Variants in DTX4 observed in about 807,000 individuals in gnomAD.
The protein encoded by DTX4 is deltex E3 ubiquitin ligase 4, also known as E3 ubiquitin-protein ligase DTX4.
A neutral mutation model predicts 57.6 loss-of-function variants in DTX4; 28 were observed. The observed-to-expected ratio is 0.49, with a 90% CI of 0.36 to 0.67. The LOEUF (loss-of-function observed/expected upper bound fraction) is 0.67. Among genes scored for constraint, DTX4 ranks in the 30% least tolerant of loss-of-function variants. DTX4 has a pLI of 0.00. For synonymous variants in DTX4, 316 were observed against 331.0 expected (o/e 0.95, Z 0.49); for missense variants, 715 against 836.8 (o/e 0.85, Z 1.80).
intron 8 of DTX4, among the ~76,000 whole-genome samples, chr11:59,203,282 C>G (rs1400260711): frequency 6.6e-6 from 1 of 152,176 alleles, no homozygotes; most frequent in Non-Finnish European, 1.5e-5. Context: ...TTTCACTTTT[C>G]ACCTGTTTGT....
intron 1 of DTX4, among the ~76,000 whole-genome samples, chr11:59,173,993 C>T (rs1862362945): frequency 6.6e-6 from 1 of 152,094 alleles, no homozygotes; most frequent in African/African-American, 2.4e-5. Context: ...GAAGATGACT[C>T]GGAAAGGCCC....
rs1011462348 is a variant in DTX4, at chr11:59,206,162, T to C, written c.*1253T>C. The stretch of plus-strand genomic sequence containing the variant: ...TCAATCTGTTTCCATGCAAATTTGC[T>C]AATCAGAGCCCAGAGCTGCTGGGTC... On this transcript the variant is annotated 3_prime_UTR_variant, in exon 9 of 9. Coordinates refer to ENST00000227451, the MANE Select transcript of DTX4 (RefSeq NM_015177.2). 1 of 152,232 alleles carries C rather than the reference T, an allele frequency of 6.6e-6. No homozygotes were observed. Among genetic ancestry groups the C allele is most frequent in the African/African-American group, 2.4e-5 (1 of 41,436 alleles). The allele number at this position is 152,232 out of a possible 1,614,324, so 9.4% of individuals were successfully genotyped here.
Position 59,207,103 on chromosome 11 carries a change from A to G in DTX4, c.*2194A>G, listed in dbSNP as rs1281147833. On this transcript the variant is annotated 3_prime_UTR_variant, in exon 9 of 9. Transcript: ENST00000227451. Reference sequence around the variant, plus strand: ...TCGCACACTGGTCAAGTATCTGCTGAGCTTCTTGGCCGCAAGGATGCAGAA... The same window carrying G: ...TCGCACACTGGTCAAGTATCTGCTGGGCTTCTTGGCCGCAAGGATGCAGAA... The G allele has an allele frequency of 2.0e-5, 3 of 152,258 alleles. No homozygotes were observed. Among genetic ancestry groups the G allele is most frequent in the Non-Finnish European group, 4.4e-5 (3 of 68,086 alleles). The allele number at this position is 152,258 out of a possible 1,614,324, so 9.4% of individuals were successfully genotyped here.
At chr11:59,196,367 G>A (rs1862669561) in intron 7 of DTX4, among the ~76,000 whole-genome samples, 1 of 152,260 alleles carries the variant, frequency 6.6e-6, no homozygotes, top group Admixed American at 6.5e-5. Context: ...AGGAAGTTGT[G>A]ATAGCCTGTA....
At chr11:59,200,466 A>G (rs1862727670) in intron 8 of DTX4, among the ~76,000 whole-genome samples, 1 of 152,210 alleles carries the variant, frequency 6.6e-6, no homozygotes, top group Admixed American at 6.5e-5. Flanking sequence ...GTGGCACCAC[A>G]TAGGAGCTTG....
Position 59,205,360 on chromosome 11 carries a change from G to T in DTX4, c.*451G>T. 5.4e-6 allele frequency: 1 copy of T among 183,686 alleles called. No individual in the cohort carries two copies. The allele number at this position is 183,686 out of a possible 1,614,324, so 11.4% of individuals were successfully genotyped here. A position where few individuals can be genotyped will look rare whatever the true frequency, so the allele number is the denominator to read the frequency against. ...TTCTGCTATTCTCCCTCTGCTGGAG[G>T]CAGGGAGCTCTCACTGTGCAAGGTT... On this transcript the variant is annotated 3_prime_UTR_variant, in exon 9 of 9. Coordinates refer to ENST00000227451, the MANE Select transcript of DTX4 (RefSeq NM_015177.2).
In DTX4 at chr11:59,199,791, C is replaced by T. The variant is rs1250471511; in HGVS notation, c.1626+18C>T. On this transcript the variant is annotated intron_variant, in intron 8 of 8. Transcript: ENST00000227451. ...GGAGAAAAGTAAGACCGGAAGTTTC[C>T]ACATAGAACTAGGTTTTAGAATAGA... 1 of 1,550,052 alleles carries T rather than the reference C, an allele frequency of 6.5e-7. No homozygotes were observed. The highest frequency in any genetic ancestry group is 1.4e-5 in the African/African-American group (1 of 73,024).
At chr11:59,185,653 G>A (rs1444859568) in intron 2 of DTX4, among the ~76,000 whole-genome samples, 3 of 152,206 alleles carry the variant, frequency 2.0e-5, no homozygotes, top group Non-Finnish European at 2.9e-5. Context: ...ACCAGTAATA[G>A]TGGGGGAGGT....
At chr11:59,189,658 G>C (rs567311941) in intron 4 of DTX4, among the ~76,000 whole-genome samples, 1 of 152,342 alleles carries the variant, frequency 6.6e-6, no homozygotes, top group South Asian at 2.1e-4. Flanking sequence ...TTTGTTTCTT[G>C]CAAGTTGTGT....
intron 1 of DTX4, 42 bp downstream of exon 1, chr11:59,172,848 T>G (rs1862346000): frequency 6.9e-7 from 1 of 1,451,766 alleles, no homozygotes; most frequent in Non-Finnish European, 9.2e-7. Flanking sequence ...TGCTCCCACC[T>G]TCCCAACCTG....
intron 2 of DTX4, 29 bp from the exon 3 acceptor site, chr11:59,188,706 G>A (rs1486893200): frequency 2.5e-6 from 4 of 1,599,460 alleles, no homozygotes; most frequent in South Asian, 1.1e-5. Flanking sequence ...GTGTCAAAAT[G>A]ACATTGTATC....
chr11:59,173,334 C>A (rs1191701039), intron 1 of DTX4, among the ~76,000 whole-genome samples: 1 of 152,196 alleles, frequency 6.6e-6, no homozygotes, highest in African/African-American at 2.4e-5. Context: ...GGTGTGGGAA[C>A]TGGGGGAGGA....
intron 1 of DTX4, among the ~76,000 whole-genome samples, chr11:59,181,417 G>T (rs1165110145): frequency 6.6e-6 from 1 of 152,200 alleles, no homozygotes; most frequent in Non-Finnish European, 1.5e-5. Flanking sequence ...TTCTATATTA[G>T]CTAGTAAATG....
chr11:59,188,829 G>A (rs763634151), intron 3 of DTX4, 33 bp downstream of exon 3: 1 of 1,582,240 alleles, frequency 6.3e-7, no homozygotes, highest in Non-Finnish European at 8.7e-7. Context: ...CTGGGTTAAG[G>A]TAGAGAAATC....
chr11:59,187,696 G>A (rs1316292410), intron 2 of DTX4, among the ~76,000 whole-genome samples: 1 of 152,206 alleles, frequency 6.6e-6, no homozygotes, highest in Non-Finnish European at 1.5e-5. Flanking sequence ...CCAGCTGCAG[G>A]AGTGTGGGTG....
intron 5 of DTX4, among the ~76,000 whole-genome samples, chr11:59,191,528 T>A (rs1412328311): frequency 1.8e-4 from 27 of 152,302 alleles, no homozygotes; most frequent in Admixed American, 1.8e-3. Context: ...GAGGGAACAT[T>A]TGGCCATGTC....
In DTX4 at chr11:59,182,398, A is replaced by G. The variant is rs772953218; in HGVS notation, c.871A>G (p.Thr291Ala). The G allele has an allele frequency of 1.2e-6, 2 of 1,613,504 alleles. No individual in the cohort carries two copies. Among genetic ancestry groups the G allele is most frequent in the South Asian group, 2.2e-5 (2 of 91,020 alleles). Residue 291 changes from threonine to alanine, a missense_variant, in exon 2 of 9, where the codon ACC becomes GCC. By Grantham distance (58) the Thr-to-Ala change is moderately conservative (BLOSUM62 0). Transcript: ENST00000227451. ...NSKTGRVALA[T>A]LNRTNLQRLA... Reference sequence around the variant, plus strand: ...CAAGACCGGAAGGGTGGCCCTGGCCACCTTGAATCGTACCAACCTGCAGCG... The same window carrying G: ...CAAGACCGGAAGGGTGGCCCTGGCCGCCTTGAATCGTACCAACCTGCAGCG...
At chr11:59,173,579 G>C (rs1862356976) in intron 1 of DTX4, among the ~76,000 whole-genome samples, 1 of 152,202 alleles carries the variant, frequency 6.6e-6, no homozygotes, top group Non-Finnish European at 1.5e-5. Flanking sequence ...GGAGGAGGAC[G>C]CAGATTCCTA....
rs371443321 is a variant in DTX4, at chr11:59,196,031, A to C, written c.1536+662A>C. On this transcript the variant is annotated intron_variant, in intron 7 of 8. Coordinates refer to ENST00000227451, the MANE Select transcript of DTX4 (RefSeq NM_015177.2). ...AACACTATTCCTGCCAGTAAATACA[A>C]ATGTGGCACCTTCCTTCACACAATG... Among the ~76,000 whole-genome samples, 177 of 152,332 alleles carry C rather than the reference A, an allele frequency of 1.2e-3. 2 individuals carry two copies. In the South Asian group the frequency reaches 0.03, roughly 26 times the overall value.
Sources: gnomAD v4.1 joint callset for allele counts (sites outside exome capture counted in the v4.1 genomes callset) on GRCh38, gnomAD v4.1.1 for gene constraint, MANE v1.5 for transcripts, NCBI Gene and HGNC (gene_info 2026-07-23, HGNC 2026-07-21) for gene names.